Variants in MAGI1 observed in about 807,000 individuals in gnomAD.
MAGI1 encodes the protein membrane associated guanylate kinase, WW and PDZ domain containing 1.
In MAGI1, 58 loss-of-function variants were observed where a neutral mutation model predicts 139.9. That is an observed-to-expected ratio of 0.41 (90% CI 0.34 to 0.52). The LOEUF (loss-of-function observed/expected upper bound fraction) is 0.52, where lower values mean the gene tolerates loss of function less well. Among genes scored for constraint, MAGI1 ranks in the 20% least tolerant of loss-of-function variants. The pLI is 0.12. For synonymous variants in MAGI1, 812 were observed against 737.9 expected (o/e 1.10, Z -1.63); for missense variants, 1,874 against 1,901.6 (o/e 0.99, Z 0.27).
chr3:65,425,173 C>T (rs67451371), intron 12 of MAGI1, among the ~76,000 whole-genome samples: 8,009 of 144,100 alleles, frequency 0.056, 293 homozygotes, highest in South Asian at 0.13. Context: ...ACAATCTGTA[C>T]GGCCCAGCTA....
chr3:65,463,346 A>G (rs1949944819), intron 5 of MAGI1, among the ~76,000 whole-genome samples: 1 of 152,122 alleles, frequency 6.6e-6, no homozygotes, highest in Non-Finnish European at 1.5e-5. Flanking sequence ...CTTTTCTGAA[A>G]CTGTTGAGAT....
chr3:65,418,193 C>A (rs1370867008), intron 12 of MAGI1, among the ~76,000 whole-genome samples: 1 of 152,170 alleles, frequency 6.6e-6, no homozygotes, highest in Non-Finnish European at 1.5e-5. Flanking sequence ...CGTACCCCAC[C>A]ATTCACCTAT....
intron 1 of MAGI1, among the ~76,000 whole-genome samples, chr3:65,820,804 T>G (rs1382532771): frequency 6.6e-6 from 1 of 152,172 alleles, no homozygotes; most frequent in Admixed American, 6.5e-5. Flanking sequence ...AGGAACCCTG[T>G]GTTAGTACCA....
chr3:65,821,276 C>T (rs2041935975), intron 1 of MAGI1, among the ~76,000 whole-genome samples: 1 of 152,106 alleles, frequency 6.6e-6, no homozygotes, highest in African/African-American at 2.4e-5. Flanking sequence ...TCTCTGGACT[C>T]CCCAAGATTG....
At chr3:65,869,422 A>T (rs531266588) in intron 1 of MAGI1, among the ~76,000 whole-genome samples, 1 of 145,452 alleles carries the variant, frequency 6.9e-6, no homozygotes, top group South Asian at 2.2e-4. Context: ...GTTGTTTGAG[A>T]CAGAGTCTTG....
chr3:65,880,351 T>A (rs1039823107), intron 1 of MAGI1, among the ~76,000 whole-genome samples: 1 of 152,162 alleles, frequency 6.6e-6, no homozygotes, highest in African/African-American at 2.4e-5. Flanking sequence ...GCTGTCATCA[T>A]CACAGTAGTA....
At position 65,381,918 on chromosome 3, in the gene MAGI1, C is replaced by A. The variant is rs896243622; in HGVS notation, c.2660G>T (p.Gly887Val). 2.2e-5 allele frequency: 35 copies of A among 1,613,938 alleles called. No individual in the cohort carries two copies. The highest frequency in any genetic ancestry group is 2.8e-5 in the Non-Finnish European group (33 of 1,179,928). Residue 887 changes from glycine to valine, a missense_variant, in exon 16 of 23, where the codon GGC (glycine) becomes GTC (valine). Physicochemically the swap from Gly to Val is moderately radical, Grantham distance 109 (BLOSUM62 -3). Transcript: ENST00000402939. The part of the protein sequence containing the change: ...VQLMQQAAKQ[G>V]HVNLTVRRKV... Reference sequence around the variant, plus strand: ...ACGCCGCACCGTGAGATTGACGTGGCCTTGCTTGGCAGCTTGTTGCATAAG... The same window carrying A: ...ACGCCGCACCGTGAGATTGACGTGGACTTGCTTGGCAGCTTGTTGCATAAG...
chr3:65,934,821 T>C (rs763434486), intron 1 of MAGI1, among the ~76,000 whole-genome samples: 21 of 151,268 alleles, frequency 1.4e-4, no homozygotes, highest in African/African-American at 4.4e-4. Context: ...AAGGGGAACA[T>C]TGAAATCCTC....
chr3:65,682,423 C>T (rs2087657746), intron 1 of MAGI1, among the ~76,000 whole-genome samples: 1 of 152,112 alleles, frequency 6.6e-6, no homozygotes, highest in Non-Finnish European at 1.5e-5. Context: ...CTAAAGTATG[C>T]CTGATTCTTG....
At chr3:66,017,023 G>A (rs1344621075) in intron 1 of MAGI1, among the ~76,000 whole-genome samples, 1 of 152,198 alleles carries the variant, frequency 6.6e-6, no homozygotes, top group East Asian at 1.9e-4. Flanking sequence ...GGCACAGTAG[G>A]AGAAGATGAA....
chr3:65,870,804 C>T (rs530299883), intron 1 of MAGI1, among the ~76,000 whole-genome samples: 13 of 151,908 alleles, frequency 8.6e-5, no homozygotes, highest in Admixed American at 4.6e-4. Flanking sequence ...ATATTCAGGC[C>T]GGGCATGGTG....
At chr3:65,358,976 G>A (rs1940497354) in intron 22 of MAGI1, 1 of 1,206,518 alleles carries the variant, frequency 8.3e-7, no homozygotes. Context: ...AGAATGAATT[G>A]CCAAACATAT....
chr3:65,398,367 G>C (rs1214547267), intron 13 of MAGI1, among the ~76,000 whole-genome samples: 2 of 152,078 alleles, frequency 1.3e-5, no homozygotes, highest in African/African-American at 4.8e-5. Flanking sequence ...CAGGCATGGT[G>C]GTGCATACCT....
chr3:66,032,014 A>G (rs150111976), intron 1 of MAGI1, among the ~76,000 whole-genome samples: 107 of 152,336 alleles, frequency 7.0e-4, no homozygotes, highest in African/African-American at 2.5e-3. Flanking sequence ...AGCCCAGTAT[A>G]AATTATTAGA....
chr3:65,359,204 G>A (rs1348688442), intron 22 of MAGI1: 2 of 1,601,556 alleles, frequency 1.2e-6, no homozygotes, highest in Admixed American at 3.4e-5. Flanking sequence ...AGGAGAAAGA[G>A]AGAAAGAGAA....
At chr3:65,549,242 G>GC (rs1334650678) in intron 2 of MAGI1, among the ~76,000 whole-genome samples, 2 of 152,106 alleles carry the variant, frequency 1.3e-5, no homozygotes. Flanking sequence ...GCGCGTTCCA[G>GC]CCGCTCCCCG....
chr3:65,818,760 G>A (rs2041766083), intron 1 of MAGI1, among the ~76,000 whole-genome samples: 1 of 152,080 alleles, frequency 6.6e-6, no homozygotes, highest in African/African-American at 2.4e-5. Flanking sequence ...GAGAGCACGA[G>A]GGCACCAGAT....
chr3:65,920,069 A>C (rs2108729901), intron 1 of MAGI1, among the ~76,000 whole-genome samples: 1 of 152,340 alleles, frequency 6.6e-6, no homozygotes, highest in Non-Finnish European at 1.5e-5. Context: ...GAATCAGTGA[A>C]CAAACCACAT....
At position 66,000,088 on chromosome 3, in the gene MAGI1, T is replaced by A. The variant is rs533983803; in HGVS notation, c.313+37908A>T. Reference sequence around the variant, plus strand: ...CCCGGGTCCACGCCATTCTCCTGCCTCAGCCTCCCGAGCAGCTGGGACTAC... The same window carrying A: ...CCCGGGTCCACGCCATTCTCCTGCCACAGCCTCCCGAGCAGCTGGGACTAC... On this transcript the variant is annotated intron_variant, in intron 1 of 22. Coordinates refer to ENST00000402939, the MANE Select transcript of MAGI1 (RefSeq NM_001033057.2). Among the ~76,000 whole-genome samples, 5 of 149,742 alleles carry A rather than the reference T, an allele frequency of 3.3e-5. No homozygotes were observed. The South Asian group carries it at 1.1e-3, about 33-fold the overall frequency.
Sources: allele counts gnomAD v4.1 joint callset (sites outside exome capture counted in the v4.1 genomes callset), GRCh38; gene constraint gnomAD v4.1.1; transcripts MANE v1.5; gene names NCBI Gene and HGNC (gene_info 2026-07-23, HGNC 2026-07-21).